UNC5D: variants seen among roughly 807,000 people sequenced by gnomAD.
UNC5D encodes netrin receptor UNC5D.
UNC5D carries 39 observed loss-of-function variants against 105.4 expected under a neutral mutation model. The ratio of observed to expected loss-of-function variants is 0.37; its 90% CI spans 0.29 to 0.48. The LOEUF (loss-of-function observed/expected upper bound fraction) is 0.48. Ranked by LOEUF, UNC5D falls within the 20% of genes least tolerant of loss-of-function variation. The pLI is 0.98. For synonymous variants in UNC5D, 452 were observed against 450.4 expected, an observed-to-expected ratio of 1.00 and a Z score of -0.04; for missense variants, 991 against 1,202.4, an observed-to-expected ratio of 0.82 and a Z score of 2.60.
chr8:35,685,177 A>G (rs1004103078), intron 6 of UNC5D, among the ~76,000 whole-genome samples: 19 of 152,222 alleles, frequency 1.2e-4, no homozygotes, highest in African/African-American at 3.1e-4. Flanking sequence ...TTAGTTATCA[A>G]TCAAATAACT....
chr8:35,646,505 A>G (rs1823059287), intron 4 of UNC5D, among the ~76,000 whole-genome samples: 1 of 152,068 alleles, frequency 6.6e-6, no homozygotes, highest in African/African-American at 2.4e-5. Flanking sequence ...AATACCCAGG[A>G]TTATGGAAAC....
At chr8:35,789,905 C>T (rs946983190) in intron 16 of UNC5D, among the ~76,000 whole-genome samples, 7 of 150,976 alleles carry the variant, frequency 4.6e-5, no homozygotes, top group Non-Finnish European at 7.4e-5. Context: ...AACACACACA[C>T]ACACACACAC....
At chr8:35,499,510 C>T (rs900614026) in intron 1 of UNC5D, among the ~76,000 whole-genome samples, 3 of 152,168 alleles carry the variant, frequency 2.0e-5, no homozygotes, top group African/African-American at 7.2e-5. Context: ...AAACTTTGTT[C>T]TCTGGAGTGA....
At chr8:35,500,619 T>G (rs1470886167) in intron 1 of UNC5D, among the ~76,000 whole-genome samples, 4 of 152,216 alleles carry the variant, frequency 2.6e-5, no homozygotes, top group African/African-American at 4.8e-5. Flanking sequence ...TAAACCATAT[T>G]TATGCTACTC....
chr8:35,743,306 GT>G (rs1263328473), intron 11 of UNC5D, among the ~76,000 whole-genome samples: 1 of 151,984 alleles, frequency 6.6e-6, no homozygotes, highest in East Asian at 1.9e-4. Context: ...GTCTCGCTCT[GT>G]TGCCCAGGCT....
chr8:35,504,362 A>T (rs2579886), intron 1 of UNC5D, among the ~76,000 whole-genome samples: 64,221 of 152,006 alleles, frequency 0.42, 15,980 homozygotes, highest in African/African-American at 0.69. Context: ...GAGTGCTTAG[A>T]CATTGCCTCT....
intron 15 of UNC5D, among the ~76,000 whole-genome samples, chr8:35,772,838 G>C (rs1434790579): frequency 6.7e-6 from 1 of 149,316 alleles, no homozygotes; most frequent in Non-Finnish European, 1.5e-5. Flanking sequence ...GGCACCATTT[G>C]GTTCCTTATT....
At chr8:35,249,490 G>A in intron 1 of UNC5D, among the ~76,000 whole-genome samples, 1 of 150,768 alleles carries the variant, frequency 6.6e-6, no homozygotes, top group East Asian at 1.9e-4. Context: ...CCTGGGAGGT[G>A]GAGGTTGCAG....
At position 35,767,040 on chromosome 8, in the gene UNC5D, C is replaced by T. The variant is rs777545814; in HGVS notation, c.2452C>T (p.Leu818Phe). 4 of 1,613,678 alleles carry T rather than the reference C, an allele frequency of 2.5e-6. No homozygotes were observed. Among genetic ancestry groups the T allele is most frequent in the Non-Finnish European group, 2.5e-6 (3 of 1,179,788 alleles). The change falls in exon 15 of 17, where the codon CTC becomes TTC. Residue 818 changes from leucine (L) to phenylalanine (F), a missense_variant. Leu to Phe is a conservative substitution (Grantham distance 22, BLOSUM62 0). Coordinates refer to ENST00000404895, the MANE Select transcript of UNC5D (RefSeq NM_080872.4). The stretch of plus-strand genomic sequence containing the variant: ...GCAGCTCAAAGGCCATGAACAGATC[C>T]TCCAAGTGCAGACATCAATCCTAGA... ...IRQLKGHEQI[L>F]QVQTSILESE...
intron 1 of UNC5D, among the ~76,000 whole-genome samples, chr8:35,457,387 A>T (rs1177492174): frequency 6.6e-6 from 1 of 152,114 alleles, no homozygotes; most frequent in African/African-American, 2.4e-5. Context: ...CTCCATCTCA[A>T]CAGAATGACA....
intron 1 of UNC5D, among the ~76,000 whole-genome samples, chr8:35,304,546 G>T (rs542683991): frequency 6.6e-6 from 1 of 151,960 alleles, no homozygotes; most frequent in African/African-American, 2.4e-5. Context: ...TTGTTCAGGC[G>T]TGTCATTTAT....
chr8:35,360,828 T>G (rs1252287108), intron 1 of UNC5D, among the ~76,000 whole-genome samples: 1 of 152,124 alleles, frequency 6.6e-6, no homozygotes, highest in African/African-American at 2.4e-5. Flanking sequence ...AAAACACACA[T>G]TGCAGCTACT....
intron 1 of UNC5D, among the ~76,000 whole-genome samples, chr8:35,368,477 T>C (rs1353872029): frequency 6.6e-6 from 1 of 152,058 alleles, no homozygotes; most frequent in African/African-American, 2.4e-5. Context: ...AGACATTCTA[T>C]TATATAACCA....
At chr8:35,735,012 G>A (rs376596075) in intron 11 of UNC5D, among the ~76,000 whole-genome samples, 3 of 151,176 alleles carry the variant, frequency 2.0e-5, no homozygotes, top group Admixed American at 6.6e-5. Context: ...TCCTGACCTC[G>A]GGTTATCCAC....
chr8:35,744,889 C>A (rs1288601232), intron 11 of UNC5D, among the ~76,000 whole-genome samples: 1 of 151,998 alleles, frequency 6.6e-6, no homozygotes, highest in Non-Finnish European at 1.5e-5. Flanking sequence ...CCTGTCTCTA[C>A]TAAAAATACA....
In UNC5D at chr8:35,744,354, G is replaced by A. The variant is rs138164954; in HGVS notation, c.1767-4173G>A. 1.4e-3 allele frequency among the ~76,000 whole-genome samples: 216 copies of A among 152,310 alleles called. 3 individuals are homozygous for A. Among genetic ancestry groups the A allele is most frequent in the Middle Eastern group, 3.4e-3 (1 of 294 alleles). ...TCGTAAATAGTTAAGTACCTTGTGG[G>A]AAGATACTTTGGGAATGTGTAAATA... On this transcript the variant is annotated intron_variant, in intron 11 of 16. Coordinates refer to ENST00000404895, the MANE Select transcript of UNC5D (RefSeq NM_080872.4).
intron 8 of UNC5D, among the ~76,000 whole-genome samples, chr8:35,719,248 A>G (rs1486292834): frequency 6.6e-6 from 1 of 151,864 alleles, no homozygotes; most frequent in African/African-American, 2.4e-5. Flanking sequence ...CCTTGGGGCC[A>G]GTACTGAACA....
intron 1 of UNC5D, among the ~76,000 whole-genome samples, chr8:35,517,058 G>C (rs1813144799): frequency 6.6e-6 from 1 of 152,196 alleles, no homozygotes; most frequent in Admixed American, 6.5e-5. Context: ...TGGTACAAGA[G>C]TTTTTAAAGC....
chr8:35,621,964 C>A (rs369829591), intron 4 of UNC5D, among the ~76,000 whole-genome samples: 1 of 152,306 alleles, frequency 6.6e-6, no homozygotes, highest in Non-Finnish European at 1.5e-5. Flanking sequence ...AAGCTTAAAT[C>A]TCTTGTTTTC....
Sources: allele counts gnomAD v4.1 joint callset (sites outside exome capture counted in the v4.1 genomes callset), GRCh38; gene constraint gnomAD v4.1.1; transcripts MANE v1.5; gene names NCBI Gene and HGNC (gene_info 2026-07-23, HGNC 2026-07-21).